The following BST1 variants were observed in gnomAD, a reference collection of about 807,000 sequenced individuals.
BST1 encodes ADP-ribosyl cyclase/cyclic ADP-ribose hydrolase 2.
In BST1, 49 loss-of-function variants were observed where a neutral mutation model predicts 40.6. That is an observed-to-expected ratio of 1.21 (90% CI 0.96 to 1.53). BST1 has a LOEUF of 1.53. BST1 is among the 40% of genes most tolerant of loss of function. The pLI is 0.00. For missense variants in BST1, 423 were observed against 395.9 expected, an observed-to-expected ratio of 1.07 and a Z score of -0.58; for synonymous variants, 157 against 159.3, an observed-to-expected ratio of 0.99 and a Z score of 0.11.
the BST1 span, among the ~76,000 whole-genome samples, chr4:15,758,868 T>C: frequency 1.3e-5 from 2 of 152,112 alleles, no homozygotes; most frequent in East Asian, 1.9e-4. Context: ...TTCTATGGAA[T>C]GAAACAGAAC....
the BST1 span, among the ~76,000 whole-genome samples, chr4:15,769,579 T>A: frequency 3.9e-5 from 6 of 152,006 alleles, no homozygotes; most frequent in African/African-American, 1.5e-4. Context: ...GGTATTGGAG[T>A]CTGGGCTCTG....
At chr4:15,759,466 A>C in the BST1 span, among the ~76,000 whole-genome samples, 1 of 152,024 alleles carries the variant, frequency 6.6e-6, no homozygotes, top group African/African-American at 2.4e-5. Context: ...GTAAATGCTC[A>C]GTTAATGTTT....
intron 1 of BST1, among the ~76,000 whole-genome samples, chr4:15,704,596 G>A (rs1341782562): frequency 6.6e-6 from 1 of 152,030 alleles, no homozygotes; most frequent in African/African-American, 2.4e-5. Flanking sequence ...TGAGAGGTGT[G>A]TGTGAGTGTG....
the BST1 span, among the ~76,000 whole-genome samples, chr4:15,747,341 C>T: frequency 6.6e-6 from 1 of 152,206 alleles, no homozygotes; most frequent in Non-Finnish European, 1.5e-5. Context: ...GCCTTTATGC[C>T]ATTATAGTAG....
chr4:15,731,415 T>A, intron 8 of BST1: 1 of 627,460 alleles, frequency 1.6e-6, no homozygotes, highest in Non-Finnish European at 2.9e-6. Flanking sequence ...ACGGTGCTGC[T>A]GGTTACCCAG....
the BST1 span, among the ~76,000 whole-genome samples, chr4:15,755,961 T>C: frequency 1.3e-5 from 2 of 152,226 alleles, no homozygotes; most frequent in South Asian, 2.1e-4. Flanking sequence ...GCAAGTACCA[T>C]GTAAACTGAT....
At chr4:15,747,013 G>A in the BST1 span, among the ~76,000 whole-genome samples, 1 of 152,130 alleles carries the variant, frequency 6.6e-6, no homozygotes, top group Admixed American at 6.5e-5. Context: ...CAACAAATGG[G>A]TATGGGTCCC....
the BST1 span, among the ~76,000 whole-genome samples, chr4:15,752,733 T>G: frequency 1.3e-5 from 2 of 152,092 alleles, no homozygotes; most frequent in African/African-American, 2.4e-5. Flanking sequence ...TCTGAACTAT[T>G]TGAGGAACGG....
chr4:15,752,848 G>A, the BST1 span, among the ~76,000 whole-genome samples: 6 of 152,148 alleles, frequency 3.9e-5, no homozygotes, highest in South Asian at 8.3e-4. Context: ...GAGATGGAAA[G>A]CCAGTAAAGG....
chr4:15,715,043 T>A (rs1560281022), intron 4 of BST1, among the ~76,000 whole-genome samples: 1 of 152,226 alleles, frequency 6.6e-6, no homozygotes, highest in Non-Finnish European at 1.5e-5. Context: ...TACTGTGTAT[T>A]TTCTATTATC....
At chr4:15,750,343 T>C in the BST1 span, among the ~76,000 whole-genome samples, 3 of 152,184 alleles carry the variant, frequency 2.0e-5, no homozygotes, top group African/African-American at 7.2e-5. Flanking sequence ...ATTTTAGATC[T>C]CACAAATAAG....
chr4:15,715,059 A>G (rs1322970801), intron 4 of BST1, among the ~76,000 whole-genome samples: 1 of 152,202 alleles, frequency 6.6e-6, no homozygotes, highest in Non-Finnish European at 1.5e-5. Context: ...TTATCTTCTT[A>G]GGGTAGATTC....
chr4:15,706,916 A>G lies in BST1; in HGVS notation c.316-595A>G, dbSNP rs114731681. On this transcript the variant is annotated intron_variant, in intron 2 of 8. Coordinates refer to ENST00000265016, the MANE Select transcript of BST1 (RefSeq NM_004334.3). ...CTCACCCTTGGGGACCTTCTAGTCT[A>G]AATATAAACTGATTGGACTACTGAG... Among the ~76,000 whole-genome samples the G allele has an allele frequency of 2.6e-3, 389 of 152,344 alleles. 3 individuals are homozygous for G. Among genetic ancestry groups the G allele is most frequent in the African/African-American group, 9.0e-3 (375 of 41,568 alleles).
At position 15,718,967 on chromosome 4, in the gene BST1, C is replaced by G; in HGVS notation, c.765C>G (p.Phe255Leu). 6.2e-7 allele frequency: 1 copy of G among 1,614,020 alleles called. No individual in the cohort carries two copies. The highest frequency in any genetic ancestry group is 8.5e-7 in the Non-Finnish European group (1 of 1,179,966). ...VLEKRLKDMG[F>L]QYSCINDYRP... ...AAAAGAGGCTGAAGGACATGGGGTT[C>G]CAGTACAGCTGTATTAATGATTACC... The change falls in exon 7 of 9, where the codon TTC becomes TTG. Residue 255 changes from phenylalanine (F) to leucine (L), a missense_variant. Coordinates refer to ENST00000265016, the MANE Select transcript of BST1 (RefSeq NM_004334.3).
downstream of BST1, among the ~76,000 whole-genome samples, chr4:15,741,116 C>CCT (rs112409011): frequency 0.34 from 51,821 of 151,560 alleles, 10,708 homozygotes; most frequent in African/African-American, 0.58. Flanking sequence ...TGAATTTGGC[C>CCT]GTTACTCACT....
the BST1 span, among the ~76,000 whole-genome samples, chr4:15,745,779 G>A: frequency 6.6e-6 from 1 of 152,132 alleles, no homozygotes; most frequent in Non-Finnish European, 1.5e-5. Flanking sequence ...CCAGACCACT[G>A]GCTCACTATA....
the BST1 span, among the ~76,000 whole-genome samples, chr4:15,748,778 A>G: frequency 6.6e-6 from 1 of 152,202 alleles, no homozygotes; most frequent in Non-Finnish European, 1.5e-5. Flanking sequence ...TTCCCTTAGC[A>G]CATGATGGTA....
At chr4:15,759,463 C>T in the BST1 span, among the ~76,000 whole-genome samples, 2 of 151,978 alleles carry the variant, frequency 1.3e-5, no homozygotes, top group African/African-American at 4.8e-5. Flanking sequence ...TTAGTAAATG[C>T]TCAGTTAATG....
At chr4:15,771,283 A>T in the BST1 span, among the ~76,000 whole-genome samples, 2 of 152,222 alleles carry the variant, frequency 1.3e-5, no homozygotes, top group African/African-American at 4.8e-5. Context: ...AGAAAATAGA[A>T]ATTAAAAAAT....
Sources: gnomAD v4.1 joint callset for allele counts (sites outside exome capture counted in the v4.1 genomes callset) on GRCh38, gnomAD v4.1.1 for gene constraint, MANE v1.5 for transcripts, NCBI Gene and HGNC (gene_info 2026-07-23, HGNC 2026-07-21) for gene names.